CSMD1: variants seen among roughly 807,000 people sequenced by gnomAD.
The protein encoded by CSMD1 is CUB and sushi domain-containing protein 1.
In CSMD1, 213 loss-of-function variants were observed where a neutral mutation model predicts 417.5. The ratio of observed to expected loss-of-function variants is 0.51; its 90% CI spans 0.46 to 0.57. The LOEUF is 0.57. Ranked by LOEUF, CSMD1 falls within the 20% of genes least tolerant of loss-of-function variation. CSMD1 has a pLI of 0.00. For missense variants in CSMD1, 6,923 were observed against 4,529.7 expected (o/e 1.53, Z -15.17); for synonymous variants, 2,862 against 1,736.8 (o/e 1.65, Z -16.11).
chr8:3,964,193 TA>T (rs1223654324), intron 5 of CSMD1, among the ~76,000 whole-genome samples: 1 of 152,188 alleles, frequency 6.6e-6, no homozygotes, highest in East Asian at 1.9e-4. Context: ...TAAAGGCATT[TA>T]TTTTTTTAAA....
At chr8:3,476,545 T>C (rs1817436273) in intron 11 of CSMD1, among the ~76,000 whole-genome samples, 1 of 152,170 alleles carries the variant, frequency 6.6e-6, no homozygotes, top group Non-Finnish European at 1.5e-5. Flanking sequence ...CACTTGGCTT[T>C]TCCGCTTGCA....
In CSMD1 at chr8:4,201,892, G is replaced by GC. The variant is rs1030281848; in HGVS notation, c.416-169794_416-169793insG. 1.1e-4 allele frequency among the ~76,000 whole-genome samples: 17 copies of GC among 148,556 alleles called. 1 individual carries two copies. Among genetic ancestry groups the GC allele is most frequent in the East Asian group, 6.2e-4 (3 of 4,844 alleles). The stretch of plus-strand genomic sequence containing the variant: ...ACCATTATACATGGAAATTTTGGGG[G>GC]GGGGGGGCGCTGCATTCATTTGCCA... On this transcript the variant is annotated intron_variant, in intron 3 of 69. Transcript: ENST00000635120.
intron 6 of CSMD1, among the ~76,000 whole-genome samples, chr8:3,710,924 G>A (rs541954376): frequency 6.2e-4 from 95 of 152,262 alleles, no homozygotes; most frequent in Non-Finnish European, 1.2e-3. Context: ...TGCAGGAGCT[G>A]GTCCACCTGG....
chr8:3,754,032 T>C lies in CSMD1; in HGVS notation c.829A>G (p.Met277Val), dbSNP rs370053061. The change falls in exon 6 of 70, where the codon ATG becomes GTG. Residue 277 changes from methionine to valine, a missense_variant. By Grantham distance (21) the Met-to-Val change is conservative (BLOSUM62 1). Transcript: ENST00000635120. Reference sequence around the variant, plus strand: ...CTGATAACTGGAGAGGGGAGGTTCATGCCAGTTAGCCTAGAGAAGAGAAAG... The same window carrying C: ...CTGATAACTGGAGAGGGGAGGTTCACGCCAGTTAGCCTAGAGAAGAGAAAG... ...TEAPSIWLTG[M>V]NLPSPVISSK... The C allele has an allele frequency of 4.2e-5, 67 of 1,611,670 alleles. No homozygotes were observed. The highest frequency in any genetic ancestry group is 5.5e-5 in the Non-Finnish European group (65 of 1,178,324).
chr8:3,063,842 T>C (rs915124886), intron 49 of CSMD1, among the ~76,000 whole-genome samples: 2 of 152,180 alleles, frequency 1.3e-5, no homozygotes, highest in Admixed American at 6.5e-5. Flanking sequence ...GGGAACTTGT[T>C]TAATATGTGC....
intron 7 of CSMD1, among the ~76,000 whole-genome samples, chr8:3,707,789 G>A (rs1392585894): frequency 6.6e-6 from 1 of 152,182 alleles, no homozygotes; most frequent in African/African-American, 2.4e-5. Context: ...TCCAGGCATG[G>A]TCAGGGCTTC....
At chr8:2,949,906 G>C (rs939587886) in intron 67 of CSMD1, among the ~76,000 whole-genome samples, 1 of 152,114 alleles carries the variant, frequency 6.6e-6, no homozygotes, top group Non-Finnish European at 1.5e-5. Flanking sequence ...TTATCAAGCG[G>C]TCTTGGAAAA....
intron 5 of CSMD1, among the ~76,000 whole-genome samples, chr8:3,881,189 C>A (rs942838948): frequency 1.2e-4 from 18 of 151,726 alleles, no homozygotes; most frequent in African/African-American, 4.1e-4. Flanking sequence ...GATGGCAATT[C>A]TCTACAAATG....
chr8:4,518,327 G>T (rs1463175828), intron 2 of CSMD1, among the ~76,000 whole-genome samples: 1 of 151,920 alleles, frequency 6.6e-6, no homozygotes. Context: ...CCATCTTCAG[G>T]ATAAAAGATT....
intron 37 of CSMD1, among the ~76,000 whole-genome samples, chr8:3,163,405 A>G (rs1820012597): frequency 6.6e-6 from 1 of 151,444 alleles, no homozygotes; most frequent in South Asian, 2.1e-4. Flanking sequence ...GACTTTAGTT[A>G]ATCAGAAGGA....
chr8:3,617,436 C>G (rs1047507693), intron 7 of CSMD1, among the ~76,000 whole-genome samples: 1 of 152,168 alleles, frequency 6.6e-6, no homozygotes, highest in Non-Finnish European at 1.5e-5. Context: ...TCATTTCATC[C>G]TGTATAATTT....
intron 3 of CSMD1, among the ~76,000 whole-genome samples, chr8:4,271,274 T>A (rs1804578089): frequency 6.6e-6 from 1 of 152,110 alleles, no homozygotes; most frequent in African/African-American, 2.4e-5. Flanking sequence ...GCTGTAGGGG[T>A]TGGTGCCCTA....
rs370128414 is a variant in CSMD1, at chr8:4,855,396, G to A, written c.85+138936C>T. 2.7e-3 allele frequency among the ~76,000 whole-genome samples: 413 copies of A among 152,232 alleles called. 1 individual carries two copies. Among genetic ancestry groups the A allele is most frequent in the African/African-American group, 9.3e-3 (388 of 41,554 alleles). Reference sequence around the variant, plus strand: ...AGGAACGCAGTTCCTCACCAGCAACGGAACAAAGCTGGATGGAGAATGACT... The same window carrying A: ...AGGAACGCAGTTCCTCACCAGCAACAGAACAAAGCTGGATGGAGAATGACT... On this transcript the variant is annotated intron_variant, in intron 1 of 69. Transcript: ENST00000635120.
At chr8:3,101,134 C>G (rs149659164) in intron 46 of CSMD1, among the ~76,000 whole-genome samples, 2 of 150,304 alleles carry the variant, frequency 1.3e-5, no homozygotes, top group African/African-American at 4.9e-5. Context: ...GATGAAGAAA[C>G]CTGACGTTGA....
chr8:4,026,460 C>T (rs746464445), intron 4 of CSMD1, among the ~76,000 whole-genome samples: 2 of 152,040 alleles, frequency 1.3e-5, no homozygotes, highest in Admixed American at 6.6e-5. Flanking sequence ...ACTACAGATA[C>T]GATTATGGAA....
At chr8:4,415,416 C>G (rs1473376009) in intron 3 of CSMD1, among the ~76,000 whole-genome samples, 1 of 152,142 alleles carries the variant, frequency 6.6e-6, no homozygotes, top group South Asian at 2.1e-4. Flanking sequence ...ACAAAGTAGG[C>G]ATTTAGCGCA....
At chr8:3,014,928 A>T in intron 52 of CSMD1, among the ~76,000 whole-genome samples, 1 of 152,180 alleles carries the variant, frequency 6.6e-6, no homozygotes, top group African/African-American at 2.4e-5. Flanking sequence ...ACATAATTAA[A>T]TAAATAAATA....
intron 10 of CSMD1, among the ~76,000 whole-genome samples, chr8:3,560,379 G>C (rs1461581282): frequency 6.6e-6 from 1 of 152,124 alleles, no homozygotes; most frequent in African/African-American, 2.4e-5. Context: ...TGAGGACATT[G>C]AGAGTCAAGA....
intron 3 of CSMD1, among the ~76,000 whole-genome samples, chr8:4,046,137 G>A (rs1257297540): frequency 6.6e-6 from 1 of 151,926 alleles, no homozygotes; most frequent in Non-Finnish European, 1.5e-5. Context: ...TGATATATAT[G>A]TATTATGTAT....
Sources: allele counts gnomAD v4.1 joint callset (sites outside exome capture counted in the v4.1 genomes callset), GRCh38; gene constraint gnomAD v4.1.1; transcripts MANE v1.5; gene names NCBI Gene and HGNC (gene_info 2026-07-23, HGNC 2026-07-21).